Variants in CFAP276 observed in about 807,000 individuals in gnomAD.
The protein encoded by CFAP276 is cilia- and flagella-associated protein 276.
At chr1:109,107,817 A>G in the CFAP276 span, 1 of 902,014 alleles carries the variant, frequency 1.1e-6, no homozygotes, top group Non-Finnish European at 1.7e-6. Context: ...GGTTCAGGCT[A>G]CGGTAAACCA....
At chr1:109,113,469 G>GA in the CFAP276 span, among the ~76,000 whole-genome samples, 13 of 74,932 alleles carry the variant, frequency 1.7e-4, no homozygotes, top group African/African-American at 5.3e-4. Flanking sequence ...AGAGAGAGAG[G>GA]CCCACGTGCG....
the CFAP276 span, chr1:109,113,812 G>T: frequency 2.1e-6 from 2 of 963,184 alleles, no homozygotes; most frequent in Non-Finnish European, 3.1e-6. Context: ...TTCTTCACAC[G>T]AGCCCCGGGC....
At chr1:109,112,582 G>GC in the CFAP276 span, 2 of 1,549,952 alleles carry the variant, frequency 1.3e-6, no homozygotes, top group African/African-American at 2.7e-5. Flanking sequence ...GGGAATCTGC[G>GC]CAAGAAACCA....
the CFAP276 span, chr1:109,113,715 C>T: frequency 6.2e-7 from 1 of 1,611,290 alleles, no homozygotes; most frequent in Non-Finnish European, 8.5e-7. Context: ...TGTGCAACAT[C>T]GGAGATGCTC....
the CFAP276 span, chr1:109,106,711 G>C: frequency 6.3e-7 from 1 of 1,578,932 alleles, no homozygotes; most frequent in South Asian, 1.1e-5. Flanking sequence ...ATCAGAGAAA[G>C]GTGAGGAAGG....
chr1:109,112,634 C>T, the CFAP276 span: 12 of 1,550,520 alleles, frequency 7.7e-6, no homozygotes, highest in South Asian at 1.2e-5. Flanking sequence ...TAGGAATCAT[C>T]GTTATCTAAT....
the CFAP276 span, chr1:109,108,020 G>GTTATTTTTTTTTTTTTT: frequency 6.2e-7 from 1 of 1,605,156 alleles, no homozygotes; most frequent in Non-Finnish European, 8.5e-7. Flanking sequence ...GGTGTGTTGG[G>GTTATTTTTTTTTTTTTT]TTCTTATATG....
At chr1:109,107,703 A>G in the CFAP276 span, among the ~76,000 whole-genome samples, 1 of 150,564 alleles carries the variant, frequency 6.6e-6, no homozygotes, top group East Asian at 2.0e-4. Context: ...AGCCTGAGCA[A>G]CATATCGAGA....
At chr1:109,106,403 C>A in the CFAP276 span, 1 of 1,208,528 alleles carries the variant, frequency 8.3e-7, no homozygotes, top group South Asian at 1.5e-5. Context: ...CCAACTTAAT[C>A]ATTGCTTTCC....
At chr1:109,107,248 C>T in the CFAP276 span, 1 of 696,522 alleles carries the variant, frequency 1.4e-6, no homozygotes, top group South Asian at 1.7e-5. Context: ...AATCCACCAA[C>T]TCCGTACACA....
the CFAP276 span, among the ~76,000 whole-genome samples, chr1:109,109,623 G>C: frequency 1.0e-4 from 13 of 127,576 alleles, no homozygotes; most frequent in East Asian, 3.5e-3. Context: ...TGCAACCTCC[G>C]CCTCCTGGGT....
the CFAP276 span, chr1:109,106,837 C>A: frequency 3.4e-6 from 3 of 888,180 alleles, no homozygotes; most frequent in East Asian, 2.6e-5. Flanking sequence ...GATTTCTGTT[C>A]ATCTTAGACA....
At chr1:109,106,411 TCCAAGACC>T in the CFAP276 span, 2 of 1,287,908 alleles carry the variant, frequency 1.6e-6, no homozygotes, top group Non-Finnish European at 2.2e-6. Flanking sequence ...ATCATTGCTT[TCCAAGACC>T]CACAGATATC....
At chr1:109,113,415 AAAGAG>A in the CFAP276 span, among the ~76,000 whole-genome samples, 45 of 113,820 alleles carry the variant, frequency 4.0e-4, no homozygotes, top group African/African-American at 1.4e-3. Context: ...AGAGAGAGAG[AAAGAG>A]AGAGAGAGAG....
chr1:109,108,053 C>G, the CFAP276 span: 3 of 1,461,890 alleles, frequency 2.1e-6, no homozygotes, highest in Non-Finnish European at 2.9e-6. Flanking sequence ...AAAGAGAAAC[C>G]GTATCCAGGA....
At chr1:109,113,735 C>T in the CFAP276 span, 24 of 1,596,536 alleles carry the variant, frequency 1.5e-5, no homozygotes, top group Admixed American at 4.0e-4. Context: ...CATAAAATAA[C>T]CCCTGGCCCG....
chr1:109,109,692 G>A, the CFAP276 span, among the ~76,000 whole-genome samples: 2 of 151,300 alleles, frequency 1.3e-5, no homozygotes, highest in Admixed American at 6.6e-5. Flanking sequence ...ATGTGCCACC[G>A]CATCTGGCTA....
At chr1:109,108,327 G>A in the CFAP276 span, among the ~76,000 whole-genome samples, 11 of 152,118 alleles carry the variant, frequency 7.2e-5, no homozygotes, top group Non-Finnish European at 1.3e-4. Context: ...ATTTTTAGTA[G>A]AAACAGAGTT....
chr1:109,106,475 G>T, the CFAP276 span: 2 of 1,574,170 alleles, frequency 1.3e-6, no homozygotes, highest in East Asian at 2.3e-5. Context: ...CTGATTCATG[G>T]GTCCATTTAG....
Sources: gnomAD v4.1 joint callset for allele counts (sites outside exome capture counted in the v4.1 genomes callset) on GRCh38, gnomAD v4.1.1 for gene constraint, MANE v1.5 for transcripts, NCBI Gene and HGNC (gene_info 2026-07-23, HGNC 2026-07-21) for gene names.